NPNT: variants seen among roughly 807,000 people sequenced by gnomAD.
NPNT encodes the protein preosteoblast EGF-like repeat protein with MAM domain.
NPNT carries 45 observed loss-of-function variants against 68.6 expected under a neutral mutation model. The observed-to-expected ratio is 0.66, with a 90% CI of 0.52 to 0.84. The LOEUF is 0.84. Among genes scored for constraint, NPNT ranks in the 40% least tolerant of loss-of-function variants. NPNT has a pLI of 0.00. For missense variants in NPNT, 672 were observed against 714.8 expected (o/e 0.94, Z 0.68); for synonymous variants, 233 against 253.3 (o/e 0.92, Z 0.76).
chr4:105,966,722 T>A (rs952926068), intron 10 of NPNT, among the ~76,000 whole-genome samples: 1 of 152,020 alleles, frequency 6.6e-6, no homozygotes, highest in East Asian at 1.9e-4. Context: ...TAGGGCCCTT[T>A]AAATCACCAT....
intron 2 of NPNT, among the ~76,000 whole-genome samples, chr4:105,913,752 A>G (rs1727567603): frequency 6.6e-6 from 1 of 152,158 alleles, no homozygotes; most frequent in Admixed American, 6.5e-5. Flanking sequence ...TCAGTTATTC[A>G]TTTCTAAAAT....
chr4:105,960,498 A>G (rs539878468), intron 10 of NPNT, among the ~76,000 whole-genome samples: 8 of 152,320 alleles, frequency 5.3e-5, no homozygotes, highest in African/African-American at 1.7e-4. Context: ...AAATATATTC[A>G]TTACATCCCC....
chr4:105,905,905 C>A (rs535145504), intron 2 of NPNT, among the ~76,000 whole-genome samples: 1 of 152,142 alleles, frequency 6.6e-6, no homozygotes, highest in Non-Finnish European at 1.5e-5. Flanking sequence ...TAGAAACCTT[C>A]TGTTCAGTCA....
Position 105,968,971 on chromosome 4 carries a change from A to G in NPNT, c.1679A>G (p.His560Arg). The G allele has an allele frequency of 6.2e-7, 1 of 1,610,642 alleles. No individual in the cohort carries two copies. Among genetic ancestry groups the G allele is most frequent in the Non-Finnish European group, 8.5e-7 (1 of 1,176,924 alleles). The stretch of plus-strand genomic sequence containing the variant: ...GATGATGTGAGCTTGAAAAAAGGCC[A>G]CTGCTCTGAAGAACGCTAACAACTC... ...GLDDVSLKKG[H>R]CSEER The change falls in exon 12 of 12, where the codon CAC becomes CGC. Residue 560 changes from histidine to arginine, a missense_variant. Transcript: ENST00000379987.
At chr4:105,948,937 G>A in intron 8 of NPNT, among the ~76,000 whole-genome samples, 1 of 152,016 alleles carries the variant, frequency 6.6e-6, no homozygotes, top group East Asian at 1.9e-4. Context: ...GGTTTTTTTA[G>A]GTTATATGAC....
chr4:105,933,560 T>C (rs1729286042), intron 3 of NPNT, among the ~76,000 whole-genome samples: 1 of 152,210 alleles, frequency 6.6e-6, no homozygotes, highest in Non-Finnish European at 1.5e-5. Context: ...AAAATTTTGG[T>C]AGTTGACATA....
At chr4:105,919,747 G>A (rs1377655607) in intron 2 of NPNT, among the ~76,000 whole-genome samples, 2 of 152,052 alleles carry the variant, frequency 1.3e-5, no homozygotes, top group Non-Finnish European at 2.9e-5. Context: ...CATCTGTTAT[G>A]ATATTCCTTG....
chr4:105,945,891 C>T (rs1474537244), intron 8 of NPNT, among the ~76,000 whole-genome samples: 1 of 152,142 alleles, frequency 6.6e-6, no homozygotes, highest in African/African-American at 2.4e-5. Flanking sequence ...TATTTACTAG[C>T]TTGCACAAAT....
intron 10 of NPNT, among the ~76,000 whole-genome samples, chr4:105,960,835 TTTTA>T (rs1303596549): frequency 2.0e-5 from 3 of 152,180 alleles, no homozygotes; most frequent in Non-Finnish European, 2.9e-5. Flanking sequence ...ATCTCATCAA[TTTTA>T]TTTAATTGTA....
intron 10 of NPNT, among the ~76,000 whole-genome samples, chr4:105,962,851 A>ATGTGTGTGTGTGTGTGTGTATGTG (rs1731830338): frequency 6.7e-6 from 1 of 149,666 alleles, no homozygotes; most frequent in Admixed American, 6.7e-5. Flanking sequence ...GATGGAGTGT[A>ATGTGTGTGTGTGTGTGTGTATGTG]TGTGTGTGTG....
intron 2 of NPNT, among the ~76,000 whole-genome samples, chr4:105,913,552 G>C (rs1175581533): frequency 6.6e-6 from 1 of 152,186 alleles, no homozygotes; most frequent in African/African-American, 2.4e-5. Context: ...TTATAAGGAG[G>C]TGGCTTCCAC....
chr4:105,950,321 G>C (rs1730719670), intron 8 of NPNT, among the ~76,000 whole-genome samples: 1 of 134,394 alleles, frequency 7.4e-6, no homozygotes. Context: ...AACATAGGAT[G>C]TTTATTAACT....
At chr4:105,921,659 G>GT (rs1728266917) in intron 2 of NPNT, among the ~76,000 whole-genome samples, 1 of 152,128 alleles carries the variant, frequency 6.6e-6, no homozygotes. Flanking sequence ...ATTCTTCTAG[G>GT]TTTTGTTCTG....
At chr4:105,938,199 TG>T (rs1578642950) in intron 4 of NPNT, 101 bp from the exon 5 acceptor site, 32 of 1,106,334 alleles carry the variant, frequency 2.9e-5, no homozygotes, top group Non-Finnish European at 4.2e-5. Flanking sequence ...TCTTCATTGT[TG>T]TTCAGTGTCA....
chr4:105,965,164 C>T (rs993313766), intron 10 of NPNT, among the ~76,000 whole-genome samples: 1 of 152,020 alleles, frequency 6.6e-6, no homozygotes, highest in Non-Finnish European at 1.5e-5. Context: ...CCCTCCCTCC[C>T]CAAAATTCTT....
At position 105,966,331 on chromosome 4, in the gene NPNT, A is replaced by AT. The variant is rs200656740; in HGVS notation, c.1346-849dup. ...CCCCCCACTTCACTGCTGCTTAACC[A>AT]TTTTTTTTCTAATGCAGTTTCCTTA... On this transcript the variant is annotated intron_variant, in intron 10 of 11. Coordinates refer to ENST00000379987, the MANE Select transcript of NPNT (RefSeq NM_001033047.3). Among the ~76,000 whole-genome samples the AT allele has an allele frequency of 5.9e-3, 894 of 152,064 alleles. 18 individuals are homozygous for AT. The highest frequency in any genetic ancestry group is 0.055 in the Admixed American group (836 of 15,274).
chr4:105,951,789 A>T (rs1730857698), intron 8 of NPNT, among the ~76,000 whole-genome samples: 1 of 152,228 alleles, frequency 6.6e-6, no homozygotes, highest in Non-Finnish European at 1.5e-5. Flanking sequence ...CAAAACGTAT[A>T]AATGGGCCCT....
In NPNT at chr4:105,919,491, T is replaced by C. The variant is rs143451981; in HGVS notation, c.173-7845T>C. On this transcript the variant is annotated intron_variant, in intron 2 of 11. Coordinates refer to ENST00000379987, the MANE Select transcript of NPNT (RefSeq NM_001033047.3). ...TTGTCCCAATAATGGTTTTTATGGA[T>C]TTTTTCTTTTTGATCCAGATCCAAT... Among the ~76,000 whole-genome samples, 88 of 152,230 alleles carry C rather than the reference T, an allele frequency of 5.8e-4. 1 individual carries two copies. Among genetic ancestry groups the C allele is most frequent in the Admixed American group, 4.9e-3 (75 of 15,280 alleles).
At chr4:105,914,402 ATATATAT>A (rs1383596394) in intron 2 of NPNT, among the ~76,000 whole-genome samples, 7 of 138,028 alleles carry the variant, frequency 5.1e-5, no homozygotes, top group Non-Finnish European at 9.2e-5. Context: ...AAATAATATA[ATATATAT>A]TATATATTAT....
Sources: allele counts gnomAD v4.1 joint callset (sites outside exome capture counted in the v4.1 genomes callset), GRCh38; gene constraint gnomAD v4.1.1; transcripts MANE v1.5; gene names NCBI Gene and HGNC (gene_info 2026-07-23, HGNC 2026-07-21).